Variants in PLEKHB1 observed in about 807,000 individuals in gnomAD.
PLEKHB1 encodes pleckstrin homology domain containing B1.
In PLEKHB1, 29 loss-of-function variants were observed where a neutral mutation model predicts 36.2. The ratio of observed to expected loss-of-function variants is 0.80; its 90% CI spans 0.60 to 1.09. The LOEUF is 1.09. PLEKHB1 is among the 50% of genes least tolerant of loss of function. The probability of loss-of-function intolerance (pLI) is 0.00; values close to 1 mark genes in which losing one functional copy is unlikely to be tolerated. For synonymous variants in PLEKHB1, 138 were observed against 140.0 expected (o/e 0.99, Z 0.10); for missense variants, 330 against 348.2 (o/e 0.95, Z 0.42).
intron 3 of PLEKHB1, among the ~76,000 whole-genome samples, chr11:73,651,245 T>C (rs1944885431): frequency 6.6e-6 from 1 of 150,720 alleles, no homozygotes; most frequent in South Asian, 2.1e-4. Context: ...TAGTCCCAGC[T>C]ACTTAAGAGG....
chr11:73,653,332 A>G, intron 5 of PLEKHB1: 1 of 599,762 alleles, frequency 1.7e-6, no homozygotes, highest in East Asian at 3.7e-5. Context: ...TCCTCACAAC[A>G]GTCCTGTGAA....
At chr11:73,655,962 CA>C in intron 6 of PLEKHB1, 55 bp downstream of exon 6, 1 of 1,450,662 alleles carries the variant, frequency 6.9e-7, no homozygotes. Context: ...GATGAGCCTC[CA>C]AAACCAGGCC....
Position 73,655,815 on chromosome 11 carries a change from G to A in PLEKHB1, c.403G>A (p.Ala135Thr), listed in dbSNP as rs536115249. ...EANSTPAPAGATVPPRSRRVC... is the reference protein window; with the variant it reads ...EANSTPAPAGTTVPPRSRRVC... ...GTGGCTTGAGCAGGCCCCAGCTGGA[G>A]CCACCGTCCCTCCCAGGAGCCGCCG... Residue 135 changes from alanine to threonine, a missense_variant, in exon 6 of 8, where the codon GCC (alanine) becomes ACC (threonine). By Grantham distance (58) the Ala-to-Thr change is moderately conservative (BLOSUM62 0). Transcript: ENST00000354190. 6 of 1,613,482 alleles carry A rather than the reference G, an allele frequency of 3.7e-6. No homozygotes were observed. The highest frequency in any genetic ancestry group is 4.5e-5 in the East Asian group (2 of 44,864).
At chr11:73,656,196 C>T (rs951424195) in intron 6 of PLEKHB1, among the ~76,000 whole-genome samples, 3 of 152,240 alleles carry the variant, frequency 2.0e-5, no homozygotes, top group Admixed American at 1.3e-4. Flanking sequence ...TGCCTGCCAC[C>T]TACTCAGTGG....
At position 73,661,703 on chromosome 11, in the gene PLEKHB1, C is replaced by G; in HGVS notation, c.*101C>G. 7.1e-7 allele frequency: 1 copy of G among 1,411,668 alleles called. No homozygotes were observed. Among genetic ancestry groups the G allele is most frequent in the Non-Finnish European group, 9.5e-7 (1 of 1,056,754 alleles). The allele number at this position is 1,411,668 out of a possible 1,614,324, so 87.4% of individuals were successfully genotyped here. On this transcript the variant is annotated 3_prime_UTR_variant, in exon 8 of 8. Coordinates refer to ENST00000354190, the MANE Select transcript of PLEKHB1 (RefSeq NM_021200.3). The surrounding 1 kb of genome is among the most constrained non-coding windows in gnomAD (Gnocchi z 4.6). Reference sequence around the variant, plus strand: ...ATCCAAGCCCTGTCCCACTTTGGCCCTATCCTCTCCATTAGCTCCTTCCGG... The same window carrying G: ...ATCCAAGCCCTGTCCCACTTTGGCCGTATCCTCTCCATTAGCTCCTTCCGG...
chr11:73,648,262 A>C (rs1249543400), intron 1 of PLEKHB1: 1 of 153,304 alleles, frequency 6.5e-6, no homozygotes, highest in Non-Finnish European at 1.4e-5. Context: ...AACGGTTTGA[A>C]GCCAGGACTG....
chr11:73,658,721 A>T (rs1244269631), intron 6 of PLEKHB1, among the ~76,000 whole-genome samples: 1 of 152,032 alleles, frequency 6.6e-6, no homozygotes, highest in Non-Finnish European at 1.5e-5. Context: ...GGCTCAAGTG[A>T]TCCTTCTGCC....
chr11:73,650,547 G>A lies in PLEKHB1; in HGVS notation c.95-6G>A, dbSNP rs371673275. On this transcript the variant is annotated splice_polypyrimidine_tract_variant and splice_region_variant and intron_variant, in intron 2 of 7. Transcript: ENST00000354190. Reference sequence around the variant, plus strand: ...GCCTGCCTAGTGCATCTGGAATATCGTACAGGCTCCATCCTCCGCCGCTGG... The same window carrying A: ...GCCTGCCTAGTGCATCTGGAATATCATACAGGCTCCATCCTCCGCCGCTGG... The A allele has an allele frequency of 3.9e-5, 62 of 1,604,282 alleles. No homozygotes were observed. The highest frequency in any genetic ancestry group is 5.0e-5 in the Non-Finnish European group (59 of 1,175,534).
Position 73,661,943 on chromosome 11 carries a change from A to C in PLEKHB1, c.*341A>C. On this transcript the variant is annotated 3_prime_UTR_variant, in exon 8 of 8. Transcript: ENST00000354190. This position sits in a 1 kb window ranked among gnomAD's most constrained non-coding sequence, Gnocchi z 4.6. ...GTTCCCCAGGCGCTGTAGACACAAC[A>C]TGAATCGGGCTCTCTGCTCTCTCCT... 1 of 246,686 alleles carries C rather than the reference A, an allele frequency of 4.1e-6. No homozygotes were observed. Among genetic ancestry groups the C allele is most frequent in the East Asian group, 8.6e-5 (1 of 11,674 alleles). 15.3% of individuals were successfully genotyped at this position (246,686 alleles called of 1,614,324 possible).
intron 6 of PLEKHB1, among the ~76,000 whole-genome samples, chr11:73,660,155 T>C (rs897860543): frequency 1.1e-4 from 16 of 152,220 alleles, no homozygotes; most frequent in African/African-American, 3.6e-4. Context: ...TTTGTTGGCT[T>C]GGAGCAATAG....
rs112520795 is a variant in PLEKHB1 at position 73,652,974 on chromosome 11, G to A, written c.351-1G>A. ...ATGGTCTGGTGGGATTTGCTTTGCAGAGCATGGAAGACAGCACTGCTGGAG... is the reference window on the plus strand; with the variant it reads ...ATGGTCTGGTGGGATTTGCTTTGCAAAGCATGGAAGACAGCACTGCTGGAG... On this transcript the variant is annotated splice_acceptor_variant, in intron 4 of 7. Coordinates refer to ENST00000354190, the MANE Select transcript of PLEKHB1 (RefSeq NM_021200.3). LOFTEE classifies it high-confidence loss of function. The A allele has an allele frequency of 1.2e-6, 2 of 1,608,744 alleles. No homozygotes were observed. The highest frequency in any genetic ancestry group is 4.5e-5 in the East Asian group (2 of 44,686).
intron 5 of PLEKHB1, chr11:73,653,297 GTGGTGCAGGTA>G (rs1376177392): frequency 7.6e-6 from 5 of 656,056 alleles, no homozygotes; most frequent in Non-Finnish European, 1.1e-5. Context: ...TGTGCCAGGT[GTGGTGCAGGTA>G]TCATTCCAGC....
chr11:73,661,712 C>T lies in PLEKHB1; in HGVS notation c.*110C>T, dbSNP rs1304870255. Reference sequence around the variant, plus strand: ...CTGTCCCACTTTGGCCCTATCCTCTCCATTAGCTCCTTCCGGGTTTGGACC... The same window carrying T: ...CTGTCCCACTTTGGCCCTATCCTCTTCATTAGCTCCTTCCGGGTTTGGACC... On this transcript the variant is annotated 3_prime_UTR_variant, in exon 8 of 8. Transcript: ENST00000354190. The surrounding 1 kb of genome is among the most constrained non-coding windows in gnomAD (Gnocchi z 4.6). The T allele has an allele frequency of 7.4e-7, 1 of 1,344,436 alleles. No individual in the cohort carries two copies. Among genetic ancestry groups the T allele is most frequent in the African/African-American group, 1.5e-5 (1 of 67,546 alleles). The allele number at this position is 1,344,436 out of a possible 1,614,324, so 83.3% of individuals were successfully genotyped here.
intron 6 of PLEKHB1, among the ~76,000 whole-genome samples, chr11:73,658,856 A>G (rs1239942356): frequency 6.6e-6 from 1 of 152,200 alleles, no homozygotes; most frequent in Non-Finnish European, 1.5e-5. Context: ...CATTCAAGCA[A>G]TCCTCCCGCC....
rs1448162820 is a variant in PLEKHB1, at chr11:73,661,223, C to T, written c.596-243C>T. ...TTGTGCTTAGCGATCTCAGGGTTTC[C>T]TCGCTGCTCCGCCCTAGCCTGCCGT... On this transcript the variant is annotated intron_variant, in intron 7 of 7. Coordinates refer to ENST00000354190, the MANE Select transcript of PLEKHB1 (RefSeq NM_021200.3). This position sits in a 1 kb window ranked among gnomAD's most constrained non-coding sequence, Gnocchi z 4.6. Among the ~76,000 whole-genome samples the T allele has an allele frequency of 6.6e-6, 1 of 152,224 alleles. No individual in the cohort carries two copies. The highest frequency in any genetic ancestry group is 1.5e-5 in the Non-Finnish European group (1 of 68,028).
chr11:73,658,606 T>C (rs900298521), intron 6 of PLEKHB1, among the ~76,000 whole-genome samples: 1 of 150,438 alleles, frequency 6.6e-6, no homozygotes, highest in Non-Finnish European at 1.5e-5. Context: ...TCTTTCCTTC[T>C]TTCTTTTTCT....
At chr11:73,655,085 C>T (rs1441862655) in intron 5 of PLEKHB1, among the ~76,000 whole-genome samples, 2 of 152,080 alleles carry the variant, frequency 1.3e-5, no homozygotes, top group African/African-American at 4.8e-5. Flanking sequence ...CAAAGAGAGG[C>T]GGAGGGAAGG....
Position 73,651,838 on chromosome 11 carries a change from C to T in PLEKHB1, c.298C>T (p.Leu100=), listed in dbSNP as rs1944903390. Residue 100 remains leucine (L), a synonymous_variant, in exon 4 of 8, where the codon CTA becomes TTA. Transcript: ENST00000354190. ...RSRDGLLTVN[L]REGGRLHLCA... is the part of the protein sequence containing the mutation. The stretch of plus-strand genomic sequence containing the variant: ...CCGAGATGGCCTGCTGACTGTGAAC[C>T]TACGGGAAGGCGGCCGCCTGCACCT... 1.2e-6 allele frequency: 2 copies of T among 1,613,594 alleles called. No homozygotes were observed. The highest frequency in any genetic ancestry group is 1.7e-6 in the Non-Finnish European group (2 of 1,179,892).
At chr11:73,659,717 G>T (rs1945065438) in intron 6 of PLEKHB1, among the ~76,000 whole-genome samples, 1 of 152,184 alleles carries the variant, frequency 6.6e-6, no homozygotes, top group Non-Finnish European at 1.5e-5. Context: ...GGCTTTGAAG[G>T]GTTGGCAGAA....
Sources: gnomAD v4.1 joint callset for allele counts (sites outside exome capture counted in the v4.1 genomes callset) on GRCh38, gnomAD v4.1.1 for gene constraint, Gnocchi (gnomAD v3.1) non-coding constraint, MANE v1.5 for transcripts, NCBI Gene and HGNC (gene_info 2026-07-23, HGNC 2026-07-21) for gene names.